NKIRAS1: variants seen among roughly 807,000 people sequenced by gnomAD.
NKIRAS1 encodes NF-kappa-B inhibitor-interacting Ras-like protein 1.
NKIRAS1 carries 16 observed loss-of-function variants against 19.8 expected under a neutral mutation model. That is an observed-to-expected ratio of 0.81 (90% CI 0.55 to 1.23). The LOEUF (loss-of-function observed/expected upper bound fraction) is 1.23. NKIRAS1 is among the 50% of genes most tolerant of loss of function. The probability of loss-of-function intolerance (pLI) is 0.00; values close to 1 mark genes in which losing one functional copy is unlikely to be tolerated. For synonymous variants in NKIRAS1, 88 were observed against 79.0 expected (o/e 1.11, Z -0.61); for missense variants, 184 against 220.0 (o/e 0.84, Z 1.04).
intron 4 of NKIRAS1, among the ~76,000 whole-genome samples, chr3:23,896,937 G>T (rs567316279): frequency 6.6e-6 from 1 of 152,164 alleles, no homozygotes; most frequent in East Asian, 1.9e-4. Context: ...GGCACACGGT[G>T]GCTCACACTC....
intron 1 of NKIRAS1, among the ~76,000 whole-genome samples, chr3:23,913,698 A>G (rs929192754): frequency 2.6e-5 from 4 of 152,258 alleles, no homozygotes; most frequent in South Asian, 4.1e-4. Flanking sequence ...TAATTATTTA[A>G]TAATTCCCAA....
chr3:23,935,827 C>G (rs1705382015), intron 1 of NKIRAS1, among the ~76,000 whole-genome samples: 1 of 152,020 alleles, frequency 6.6e-6, no homozygotes, highest in Non-Finnish European at 1.5e-5. Flanking sequence ...CGCCTGTAAT[C>G]CCAGCACTTT....
intron 3 of NKIRAS1, among the ~76,000 whole-genome samples, chr3:23,905,698 G>A (rs558374481): frequency 2.6e-5 from 4 of 151,518 alleles, no homozygotes; most frequent in East Asian, 3.9e-4. Context: ...TCACGACTAC[G>A]TCCCAGGTAG....
At chr3:23,941,590 C>T (rs1054222774) in intron 1 of NKIRAS1, among the ~76,000 whole-genome samples, 3 of 152,122 alleles carry the variant, frequency 2.0e-5, no homozygotes, top group Non-Finnish European at 4.4e-5. Context: ...ATAAATGAGG[C>T]TCCTTGGAAT....
chr3:23,919,545 G>T, upstream of NKIRAS1: 1 of 1,478,664 alleles, frequency 6.8e-7, no homozygotes, highest in Non-Finnish European at 8.9e-7. Flanking sequence ...AACAATTTAG[G>T]ACAGTCATGT....
intron 3 of NKIRAS1, among the ~76,000 whole-genome samples, chr3:23,907,321 G>A (rs1175078968): frequency 1.3e-5 from 2 of 152,030 alleles, no homozygotes; most frequent in African/African-American, 4.8e-5. Flanking sequence ...TAAGGCTTCT[G>A]GTCAACAGTA....
At chr3:23,908,108 T>C (rs1703252891) in intron 3 of NKIRAS1, among the ~76,000 whole-genome samples, 1 of 152,200 alleles carries the variant, frequency 6.6e-6, no homozygotes, top group Non-Finnish European at 1.5e-5. Flanking sequence ...CCAATACTGA[T>C]GAAATTGGTA....
chr3:23,912,725 T>C (rs1048328272), intron 1 of NKIRAS1, among the ~76,000 whole-genome samples: 3 of 152,158 alleles, frequency 2.0e-5, no homozygotes, highest in African/African-American at 7.2e-5. Context: ...CATGCTGCTA[T>C]AAGGACACAT....
rs916491122 is a variant in NKIRAS1, at chr3:23,908,537, A to G, written c.94+2274T>C. On this transcript the variant is annotated intron_variant, in intron 3 of 4. Transcript: ENST00000425478. ...ATTGCCTTCTATTAAGCTGGACATC[A>G]GAAAAGATTTTCTAAAAAGTAAATC... 2.0e-5 allele frequency among the ~76,000 whole-genome samples: 3 copies of G among 152,236 alleles called. No individual in the cohort carries two copies. The East Asian group carries it at 5.8e-4, about 29-fold the overall frequency.
chr3:23,918,629 G>T (rs766788211), upstream of NKIRAS1: 10 of 1,579,774 alleles, frequency 6.3e-6, 1 homozygote, highest in Non-Finnish European at 7.7e-6. Context: ...GATGGTGGGA[G>T]AGAGAGATTA....
chr3:23,919,344 A>G (rs370700905), upstream of NKIRAS1: 164 of 1,602,738 alleles, frequency 1.0e-4, 2 homozygotes, highest in Middle Eastern at 1.4e-3. Flanking sequence ...TGGATCACCA[A>G]ACCAGTCCAC....
rs1350372812 is a variant in NKIRAS1 at position 23,945,473 on chromosome 3, G to T, written c.-140+850C>A. 5 of 645,994 alleles carry T rather than the reference G, an allele frequency of 7.7e-6. No individual in the cohort carries two copies. The South Asian group carries it at 2.1e-4, about 27-fold the overall frequency. The allele number at this position is 645,994 out of a possible 1,614,324, so 40.0% of individuals were successfully genotyped here. A position where few individuals can be genotyped will look rare whatever the true frequency, so the allele number is the denominator to read the frequency against. ...CGCTCTGCCCATGAGGGGGCCCCGC[G>T]ACCACCGCTGCTTCCAGCCCGGGGC... On this transcript the variant is annotated intron_variant, in intron 1 of 4. Coordinates refer to the NKIRAS1 transcript ENST00000421515.
At chr3:23,900,668 A>T in intron 4 of NKIRAS1, 140 bp downstream of exon 4, 1 of 667,744 alleles carries the variant, frequency 1.5e-6, no homozygotes, top group South Asian at 2.5e-5. Context: ...GAAAAAGAAA[A>T]AGAAAAGAAA....
At position 23,890,434 on chromosome 3, in the gene NKIRAS1, C is replaced by A; in HGVS notation, c.*2661G>T. ...ACATACTTTGTCGTACGTATCTACC[C>A]AAGCTGTCACTATTCGCTAAAGTTT... On this transcript the variant is annotated 3_prime_UTR_variant, in exon 5 of 5. Coordinates refer to ENST00000425478, the MANE Select transcript of NKIRAS1 (RefSeq NM_020345.4). 7.0e-7 allele frequency: 1 copy of A among 1,429,564 alleles called. No individual in the cohort carries two copies. The highest frequency in any genetic ancestry group is 9.6e-7 in the Non-Finnish European group (1 of 1,038,452). 88.6% of individuals were successfully genotyped at this position (1,429,564 alleles called of 1,614,324 possible). A position where few individuals can be genotyped will look rare whatever the true frequency, so the allele number is the denominator to read the frequency against.
intron 1 of NKIRAS1, among the ~76,000 whole-genome samples, chr3:23,937,235 C>T (rs574642994): frequency 1.3e-5 from 2 of 151,948 alleles, no homozygotes; most frequent in East Asian, 3.9e-4. Context: ...AAAAATTTGC[C>T]GGGCGTGTGC....
chr3:23,939,498 C>G (rs967043446), intron 1 of NKIRAS1, among the ~76,000 whole-genome samples: 1 of 152,212 alleles, frequency 6.6e-6, no homozygotes, highest in Non-Finnish European at 1.5e-5. Context: ...AATCCCAGCA[C>G]TTTGGGAGGC....
intron 1 of NKIRAS1, among the ~76,000 whole-genome samples, chr3:23,915,515 C>T (rs1227593451): frequency 1.3e-5 from 2 of 152,216 alleles, no homozygotes; most frequent in African/African-American, 4.8e-5. Flanking sequence ...TAAGCAGTCT[C>T]TCTGCTTCCA....
At chr3:23,935,417 CT>C (rs1329341048) in intron 1 of NKIRAS1, among the ~76,000 whole-genome samples, 1 of 150,308 alleles carries the variant, frequency 6.7e-6, no homozygotes, top group Admixed American at 6.6e-5. Flanking sequence ...ACTCTTTTTT[CT>C]TTTTCTTTTT....
chr3:23,918,549 T>C (rs143514719), upstream of NKIRAS1: 1,388 of 1,614,034 alleles, frequency 8.6e-4, 15 homozygotes, highest in South Asian at 8.8e-3. Context: ...AGCTAAAGTT[T>C]GCTCGAAGCC....
Sources: gnomAD v4.1 joint callset for allele counts (sites outside exome capture counted in the v4.1 genomes callset) on GRCh38, gnomAD v4.1.1 for gene constraint, MANE v1.5 for transcripts, NCBI Gene and HGNC (gene_info 2026-07-23, HGNC 2026-07-21) for gene names.